MAPK6: variants seen among roughly 807,000 people sequenced by gnomAD.
MAPK6 encodes the protein ERK-3.
MAPK6 carries 19 observed loss-of-function variants against 59.3 expected under a neutral mutation model. The observed-to-expected ratio is 0.32, with a 90% CI of 0.22 to 0.47. The LOEUF is 0.47. Ranked by LOEUF, MAPK6 falls within the 20% of genes least tolerant of loss-of-function variation. The pLI is 1.00. For missense variants in MAPK6, 724 were observed against 847.9 expected (o/e 0.85, Z 1.81); for synonymous variants, 316 against 290.3 (o/e 1.09, Z -0.90).
chr15:51,995,927 C>A (rs1391841848), intron 2 of MAPK6, among the ~76,000 whole-genome samples: 1 of 149,140 alleles, frequency 6.7e-6, no homozygotes, highest in African/African-American at 2.5e-5. Flanking sequence ...GATTCCGTTT[C>A]AAAAAAAAAG....
At chr15:52,061,708 T>G (rs1237906527) in intron 5 of MAPK6, among the ~76,000 whole-genome samples, 1 of 152,048 alleles carries the variant, frequency 6.6e-6, no homozygotes, top group Non-Finnish European at 1.5e-5. Context: ...TGAACCCAAG[T>G]GGCCGAGGCT....
chr15:52,016,726 A>AC (rs1214463394), upstream of MAPK6, among the ~76,000 whole-genome samples: 3 of 152,112 alleles, frequency 2.0e-5, no homozygotes, highest in East Asian at 5.8e-4. Context: ...CCCAATCAGG[A>AC]CCCCTCACTG....
At chr15:52,025,839 G>T (rs768420388) in intron 1 of MAPK6, among the ~76,000 whole-genome samples, 1 of 152,180 alleles carries the variant, frequency 6.6e-6, no homozygotes, top group African/African-American at 2.4e-5. Context: ...GGACAGCACA[G>T]ATCTAGATGA....
In MAPK6 at chr15:52,046,853, T is replaced by A; in HGVS notation, c.393T>A (p.Leu131=). The change falls in exon 2 of 6, where the codon CTT becomes CTA. Residue 131 remains leucine (L), a synonymous_variant. Coordinates refer to ENST00000261845, the MANE Select transcript of MAPK6 (RefSeq NM_002748.4). The part of the protein sequence containing the change: ...QGPLLEEHAR[L]FMYQLLRGLK... ...CTTTACTGGAAGAGCATGCCAGGCTTTTCATGTATCAGCTGCTACGGGGGC... is the reference window on the plus strand; with the variant it reads ...CTTTACTGGAAGAGCATGCCAGGCTATTCATGTATCAGCTGCTACGGGGGC... The A allele has an allele frequency of 6.2e-7, 1 of 1,613,996 alleles. No individual in the cohort carries two copies.
In MAPK6 at chr15:52,066,234, A is replaced by G. The variant is rs920732451; in HGVS notation, c.*1234A>G. 5.2e-5 allele frequency: 8 copies of G among 152,516 alleles called. No individual in the cohort carries two copies. Among genetic ancestry groups the G allele is most frequent in the East Asian group, 1.9e-4 (1 of 5,192 alleles). The allele number at this position is 152,516 out of a possible 1,614,324, so 9.4% of individuals were successfully genotyped here. On this transcript the variant is annotated 3_prime_UTR_variant, in exon 6 of 6. Transcript: ENST00000261845. ...ATCTTTGGTTATCCTGTTTGAAGAA[A>G]AAGGACAAATAAAACATGGCCAGCA... is the stretch of plus-strand genomic sequence containing the variant.
rs1490570207 is a variant in MAPK6, at chr15:52,009,561, C to A, written c.-632+5159C>A. ...CTACCATTTCTACAAATTTGCCTTGCTTCCAGAAAATTCTGACTTCCAAAG... is the reference window on the plus strand; with the variant it reads ...CTACCATTTCTACAAATTTGCCTTGATTCCAGAAAATTCTGACTTCCAAAG... On this transcript the variant is annotated intron_variant, in intron 3 of 7. Coordinates refer to the MAPK6 transcript ENST00000691380. Among the ~76,000 whole-genome samples the A allele has an allele frequency of 2.0e-5, 3 of 152,320 alleles. No individual in the cohort carries two copies. In the East Asian group the frequency reaches 5.8e-4, roughly 29 times the overall value.
At chr15:52,040,030 C>T (rs570532439) in intron 1 of MAPK6, among the ~76,000 whole-genome samples, 3 of 152,132 alleles carry the variant, frequency 2.0e-5, no homozygotes, top group Non-Finnish European at 4.4e-5. Context: ...TGAAAGGGCC[C>T]CTGATAACTC....
intron 3 of MAPK6, among the ~76,000 whole-genome samples, chr15:52,053,704 A>G (rs2141104008): frequency 6.6e-6 from 1 of 151,926 alleles, no homozygotes; most frequent in East Asian, 2.0e-4. Context: ...CAGTGGCATG[A>G]TCTCGGCTCA....
chr15:52,027,072 A>C (rs1347162151), intron 1 of MAPK6, among the ~76,000 whole-genome samples: 1 of 130,378 alleles, frequency 7.7e-6, no homozygotes, highest in Admixed American at 7.7e-5. Context: ...TGCCTGTCAC[A>C]GCCGGGCGCG....
intron 1 of MAPK6, among the ~76,000 whole-genome samples, chr15:52,040,697 G>C (rs181433419): frequency 6.6e-6 from 1 of 152,308 alleles, no homozygotes; most frequent in East Asian, 1.9e-4. Flanking sequence ...CTCTTGGTGT[G>C]GGGGTAGACC....
At chr15:52,038,513 G>A (rs74013647) in intron 1 of MAPK6, among the ~76,000 whole-genome samples, 8,373 of 152,240 alleles carry the variant, frequency 0.055, 444 homozygotes, top group African/African-American at 0.13. Context: ...GGGTACTTTA[G>A]CAGCTTGGCT....
upstream of MAPK6, among the ~76,000 whole-genome samples, chr15:52,014,507 T>C (rs962069924): frequency 1.3e-5 from 2 of 151,796 alleles, no homozygotes; most frequent in African/African-American, 4.8e-5. Flanking sequence ...AGCTTAGGAG[T>C]TGGAGACCAG....
intron 1 of MAPK6, among the ~76,000 whole-genome samples, chr15:52,026,018 T>C (rs551734078): frequency 1.8e-4 from 27 of 152,364 alleles, no homozygotes; most frequent in African/African-American, 6.5e-4. Flanking sequence ...GATTTTCTAA[T>C]TGATACATCT....
At chr15:52,023,569 C>A (rs542522147) in intron 1 of MAPK6, among the ~76,000 whole-genome samples, 4 of 152,278 alleles carry the variant, frequency 2.6e-5, no homozygotes, top group African/African-American at 9.6e-5. Context: ...CCATGAACTG[C>A]GTATTTGGAA....
At chr15:52,034,689 T>TTTTG (rs937887655) in intron 1 of MAPK6, among the ~76,000 whole-genome samples, 2 of 152,090 alleles carry the variant, frequency 1.3e-5, no homozygotes, top group Admixed American at 1.3e-4. Context: ...GCGTAGGTAT[T>TTTTG]TTTGTTTGTT....
chr15:52,044,241 C>A (rs992286396), intron 1 of MAPK6, among the ~76,000 whole-genome samples: 1 of 151,874 alleles, frequency 6.6e-6, no homozygotes, highest in Non-Finnish European at 1.5e-5. Context: ...CAGGAGAAGC[C>A]GTTTCTGTTA....
chr15:52,013,792 G>GA (rs1160875885), intron 3 of MAPK6, among the ~76,000 whole-genome samples: 3 of 152,146 alleles, frequency 2.0e-5, no homozygotes, highest in South Asian at 2.1e-4. Flanking sequence ...ATACAGGGCA[G>GA]AAAAAACAAT....
intron 1 of MAPK6, among the ~76,000 whole-genome samples, chr15:52,043,933 G>A (rs1009698266): frequency 2.6e-5 from 4 of 151,192 alleles, no homozygotes; most frequent in Non-Finnish European, 3.0e-5. Context: ...GCGCCACCAC[G>A]CCTGGCTACT....
chr15:52,038,156 GA>G (rs35579384), intron 1 of MAPK6, among the ~76,000 whole-genome samples: 32 of 145,312 alleles, frequency 2.2e-4, no homozygotes, highest in East Asian at 1.2e-3. Flanking sequence ...GCTCAAGATT[GA>G]AAAAAAAAAA....
Sources: gnomAD v4.1 joint callset for allele counts (sites outside exome capture counted in the v4.1 genomes callset) on GRCh38, gnomAD v4.1.1 for gene constraint, MANE v1.5 for transcripts, NCBI Gene and HGNC (gene_info 2026-07-23, HGNC 2026-07-21) for gene names.